Variants in L3MBTL4 observed in about 807,000 individuals in gnomAD.
L3MBTL4 encodes the protein L3MBTL histone methyl-lysine binding protein 4.
A neutral mutation model predicts 84.5 loss-of-function variants in L3MBTL4; 70 were observed. The ratio of observed to expected loss-of-function variants is 0.83; its 90% CI spans 0.68 to 1.01. The LOEUF (loss-of-function observed/expected upper bound fraction) is 1.01, where lower values mean the gene tolerates loss of function less well. Among genes scored for constraint, L3MBTL4 ranks in the 50% least tolerant of loss-of-function variants. L3MBTL4 has a pLI of 0.00. For missense variants in L3MBTL4, 715 were observed against 754.8 expected (o/e 0.95, Z 0.62); for synonymous variants, 274 against 259.8 (o/e 1.05, Z -0.52).
chr18:6,176,220 G>A (rs1599019892), intron 12 of L3MBTL4, among the ~76,000 whole-genome samples: 1 of 151,860 alleles, frequency 6.6e-6, no homozygotes, highest in Admixed American at 6.6e-5. Context: ...CATTATAAAG[G>A]AATGAAAAAT....
At chr18:6,403,074 T>C (rs2055578393) in intron 1 of L3MBTL4, among the ~76,000 whole-genome samples, 1 of 152,238 alleles carries the variant, frequency 6.6e-6, no homozygotes, top group Non-Finnish European at 1.5e-5. Context: ...CCAATGCTGC[T>C]AGCATTCCCA....
rs185438548 is a variant in L3MBTL4, at chr18:6,122,233, C to G, written c.1199+15961G>C. Among the ~76,000 whole-genome samples, 11 of 152,174 alleles carry G rather than the reference C, an allele frequency of 7.2e-5. No individual in the cohort carries two copies. In the East Asian group the frequency reaches 2.1e-3, roughly 29 times the overall value. ...TTATGATTGTTATTATTAACTTGTA[C>G]AATAGACACTTTCCAAAGGAAAAAA... On this transcript the variant is annotated intron_variant, in intron 14 of 18. Coordinates refer to ENST00000317931, the MANE Select transcript of L3MBTL4 (RefSeq NM_001330559.2).
chr18:6,278,089 A>G (rs1462885021), intron 4 of L3MBTL4, among the ~76,000 whole-genome samples: 1 of 152,132 alleles, frequency 6.6e-6, no homozygotes, highest in Non-Finnish European at 1.5e-5. Context: ...TGTAGTGCTC[A>G]TTTAATTTTC....
chr18:6,354,026 C>A (rs773886383), intron 1 of L3MBTL4, among the ~76,000 whole-genome samples: 57 of 152,096 alleles, frequency 3.7e-4, no homozygotes, highest in Middle Eastern at 3.2e-3. Flanking sequence ...TACCTGACTG[C>A]AAATTATACT....
chr18:6,203,068 A>T (rs1279233722), intron 12 of L3MBTL4, among the ~76,000 whole-genome samples: 6 of 152,210 alleles, frequency 3.9e-5, no homozygotes, highest in African/African-American at 1.4e-4. Context: ...GTCAGGCTTG[A>T]GCACACAGCA....
At chr18:6,188,193 C>T (rs2044876206) in intron 12 of L3MBTL4, among the ~76,000 whole-genome samples, 1 of 152,016 alleles carries the variant, frequency 6.6e-6, no homozygotes, top group Non-Finnish European at 1.5e-5. Context: ...ACACCAACCC[C>T]ACCAACCTCC....
chr18:6,192,003 C>A (rs150787187), intron 12 of L3MBTL4, among the ~76,000 whole-genome samples: 4 of 146,530 alleles, frequency 2.7e-5, no homozygotes, highest in East Asian at 2.0e-4. Context: ...TCCTCCCCCC[C>A]CTCAAAAAAA....
At chr18:6,111,730 C>CAT (rs756092803) in intron 14 of L3MBTL4, among the ~76,000 whole-genome samples, 64 of 151,880 alleles carry the variant, frequency 4.2e-4, no homozygotes, top group Middle Eastern at 6.8e-3. Context: ...GATGTATATA[C>CAT]ATATATATAT....
intron 11 of L3MBTL4, among the ~76,000 whole-genome samples, chr18:6,215,162 T>G (rs959224570): frequency 6.6e-6 from 1 of 152,146 alleles, no homozygotes; most frequent in African/African-American, 2.4e-5. Context: ...TGAAAGGGAA[T>G]AGAGTTTGAA....
At chr18:6,060,631 T>C (rs1598601998) in intron 16 of L3MBTL4, among the ~76,000 whole-genome samples, 2 of 152,264 alleles carry the variant, frequency 1.3e-5, no homozygotes, top group South Asian at 4.1e-4. Context: ...GGGCTTTATA[T>C]TGTACATTTC....
rs368993774 is a variant in L3MBTL4, at chr18:6,032,165, G to T, written c.1444+48716C>A. 4 of 305,908 alleles carry T rather than the reference G, an allele frequency of 1.3e-5. No individual in the cohort carries two copies. In the East Asian group the frequency reaches 5.1e-4, roughly 39 times the overall value. The allele number at this position is 305,908 out of a possible 1,614,324, so 18.9% of individuals were successfully genotyped here. Reference sequence around the variant, plus strand: ...GCTAATTTTTTGTATTTTTGGTAGAGACGGGGTTTCACTGCGTTGGCCAGG... The same window carrying T: ...GCTAATTTTTTGTATTTTTGGTAGATACGGGGTTTCACTGCGTTGGCCAGG... On this transcript the variant is annotated intron_variant, in intron 16 of 18. Coordinates refer to ENST00000317931, the MANE Select transcript of L3MBTL4 (RefSeq NM_001330559.2).
intron 15 of L3MBTL4, among the ~76,000 whole-genome samples, chr18:6,083,949 C>G (rs1222717143): frequency 6.6e-6 from 1 of 152,116 alleles, no homozygotes; most frequent in Non-Finnish European, 1.5e-5. Flanking sequence ...CCTCTCTGAC[C>G]CTCTTTCTAG....
At chr18:6,307,160 C>G (rs1250586481) in intron 3 of L3MBTL4, among the ~76,000 whole-genome samples, 1 of 152,042 alleles carries the variant, frequency 6.6e-6, no homozygotes, top group East Asian at 1.9e-4. Flanking sequence ...TGGCCAGACA[C>G]AGTGGCTCAC....
At chr18:6,156,761 T>A (rs1392030458) in intron 13 of L3MBTL4, among the ~76,000 whole-genome samples, 1 of 152,228 alleles carries the variant, frequency 6.6e-6, no homozygotes, top group East Asian at 1.9e-4. Context: ...CTATTGTACC[T>A]ATTTTAAAGG....
At chr18:6,017,875 G>A (rs994067342) in intron 16 of L3MBTL4, 1 of 152,200 alleles carries the variant, frequency 6.6e-6, no homozygotes, top group Non-Finnish European at 1.5e-5. Context: ...ATTTGGGGAA[G>A]GTTGTGCAGA....
intron 16 of L3MBTL4, among the ~76,000 whole-genome samples, chr18:6,012,150 A>C (rs958816104): frequency 5.3e-5 from 8 of 152,220 alleles, no homozygotes; most frequent in African/African-American, 1.7e-4. Flanking sequence ...GGCACAGCTA[A>C]CATCTAGAAA....
chr18:6,150,895 C>T (rs1410029695), intron 13 of L3MBTL4, among the ~76,000 whole-genome samples: 1 of 152,168 alleles, frequency 6.6e-6, no homozygotes, highest in Non-Finnish European at 1.5e-5. Context: ...GAGAAAGCTC[C>T]CATGATACAG....
intron 6 of L3MBTL4, among the ~76,000 whole-genome samples, chr18:6,243,847 A>T (rs1250969428): frequency 6.6e-6 from 1 of 152,222 alleles, no homozygotes; most frequent in Non-Finnish European, 1.5e-5. Flanking sequence ...GCCTTGTTTC[A>T]ACTCTAACAT....
intron 16 of L3MBTL4, among the ~76,000 whole-genome samples, chr18:6,006,873 G>C (rs1442479160): frequency 2.0e-5 from 3 of 152,172 alleles, no homozygotes; most frequent in Non-Finnish European, 4.4e-5. Flanking sequence ...TGTTGAATCA[G>C]GGTATCTTTC....
Sources: gnomAD v4.1 joint callset for allele counts (sites outside exome capture counted in the v4.1 genomes callset) on GRCh38, gnomAD v4.1.1 for gene constraint, MANE v1.5 for transcripts, NCBI Gene and HGNC (gene_info 2026-07-23, HGNC 2026-07-21) for gene names.